Variants in ATM observed in about 807,000 individuals in gnomAD.
The protein encoded by ATM is ATM serine/threonine kinase, also known as serine-protein kinase ATM.
Under a neutral mutation model 387.0 loss-of-function variants are expected in ATM, and 308 were observed. The observed-to-expected ratio is 0.80, with a 90% CI of 0.73 to 0.87. The LOEUF is 0.87. Among genes scored for constraint, ATM ranks in the 40% least tolerant of loss-of-function variants. The pLI is 0.00. For synonymous variants in ATM, 1,156 were observed against 1,187.3 expected, an observed-to-expected ratio of 0.97 and a Z score of 0.54; for missense variants, 3,312 against 3,560.9, an observed-to-expected ratio of 0.93 and a Z score of 1.78.
At position 108,289,793 on chromosome 11, in the gene ATM, C is replaced by G. The variant is rs876659370; in HGVS notation, c.4428C>G (p.Ile1476Met). Reference protein sequence around the residue: ...RDVIYTLIHYINQRPSCIMDV... With the variant: ...RDVIYTLIHYMNQRPSCIMDV... ...TTATTTATACTTTGATTCACTATAT[C>G]AACCAAAGGTAAATAACATATTTAG... Residue 1476 changes from isoleucine to methionine, a missense_variant, in exon 29 of 63, where the codon ATC (isoleucine) becomes ATG (methionine). Coordinates refer to ENST00000675843, the MANE Select transcript of ATM (RefSeq NM_000051.4). 6.2e-7 allele frequency: 1 copy of G among 1,612,302 alleles called. No homozygotes were observed. Among genetic ancestry groups the G allele is most frequent in the Non-Finnish European group, 8.5e-7 (1 of 1,179,410 alleles).
At chr11:108,353,499 G>A (rs990374336) in intron 59 of ATM, among the ~76,000 whole-genome samples, 1 of 152,074 alleles carries the variant, frequency 6.6e-6, no homozygotes, top group Non-Finnish European at 1.5e-5. Flanking sequence ...TATACCAGTA[G>A]TTACTTCATT....
At chr11:108,354,990 C>T (rs2089722521) in intron 61 of ATM, 116 bp downstream of exon 61, 3 of 898,078 alleles carry the variant, frequency 3.3e-6, no homozygotes, top group Non-Finnish European at 5.4e-6. Flanking sequence ...GGGGATGTGG[C>T]TGGGCAGCAG....
At chr11:108,295,172 T>TA in intron 32 of ATM, 113 bp downstream of exon 32, 4 of 1,381,716 alleles carry the variant, frequency 2.9e-6, no homozygotes, top group Non-Finnish European at 4.1e-6. Context: ...CTCTCATCAT[T>TA]TAGTTCAGAC....
chr11:108,270,791 G>C (rs941771260), intron 18 of ATM, among the ~76,000 whole-genome samples: 1 of 152,082 alleles, frequency 6.6e-6, no homozygotes, highest in African/African-American at 2.4e-5. Context: ...CGCCTCCCAG[G>C]TTCAAGCGAT....
intron 59 of ATM, among the ~76,000 whole-genome samples, chr11:108,352,454 A>C (rs1429252247): frequency 6.6e-6 from 1 of 152,204 alleles, no homozygotes; most frequent in African/African-American, 2.4e-5. Flanking sequence ...GAGCCGTAGA[A>C]ATTACCCAAG....
chr11:108,254,484 A>AT (rs2080352534), intron 13 of ATM, among the ~76,000 whole-genome samples: 1 of 152,122 alleles, frequency 6.6e-6, no homozygotes, highest in Non-Finnish European at 1.5e-5. Flanking sequence ...TCATCTAGGA[A>AT]TTTCCTTTAG....
In ATM at chr11:108,253,845, T is replaced by A. The variant is rs1555073128; in HGVS notation, c.1930T>A (p.Ser644Thr). The A allele has an allele frequency of 2.5e-6, 4 of 1,613,856 alleles. No individual in the cohort carries two copies. Among genetic ancestry groups the A allele is most frequent in the Non-Finnish European group, 3.4e-6 (4 of 1,179,900 alleles). The part of the protein sequence containing the change: ...EHHQKDKEEL[S>T]FSEVEELFLQ... ...CCACCAAAAAGATAAAGAAGAACTTTCATTCTCAGAAGTAGAAGAACTATT... is the reference window on the plus strand; with the variant it reads ...CCACCAAAAAGATAAAGAAGAACTTACATTCTCAGAAGTAGAAGAACTATT... Residue 644 changes from serine to threonine, a missense_variant, in exon 13 of 63, where the codon TCA (serine) becomes ACA (threonine). Around this residue, in one of 4 missense-constraint regions of ATM, gnomAD observed 1,791 missense variants for 1,804.5 expected, o/e 0.99. Transcript: ENST00000675843.
rs745351684 is a variant in ATM, at chr11:108,292,782, G to T, written c.4600G>T (p.Val1534Phe). 3.7e-6 allele frequency: 6 copies of T among 1,613,876 alleles called. No individual in the cohort carries two copies. The South Asian group carries it at 6.6e-5, about 18-fold the overall frequency. The change falls in exon 30 of 63, where the codon GTT becomes TTT. Residue 1534 changes from valine (V) to phenylalanine (F), a missense_variant. Coordinates refer to ENST00000675843, the MANE Select transcript of ATM (RefSeq NM_000051.4). ...ACCCCTTGTGTATGAGCAGGTGGAG[G>T]TTCAGAAACAGGTAATTTTCTGACT... is the stretch of plus-strand genomic sequence containing the variant. Reference protein sequence around the residue: ...LIPLVYEQVEVQKQVLDLLKY... With the variant: ...LIPLVYEQVEFQKQVLDLLKY...
In ATM at chr11:108,273,331, C is replaced by CTTTTTTTT. The variant is rs563140198; in HGVS notation, c.3284+499_3284+506dup. Among the ~76,000 whole-genome samples, 41 of 80,656 alleles carry CTTTTTTTT rather than the reference C, an allele frequency of 5.1e-4. 3 individuals carry two copies. Among genetic ancestry groups the CTTTTTTTT allele is most frequent in the African/African-American group, 1.9e-3 (34 of 17,516 alleles). The allele number at this position is 80,656 out of a possible 152,430, so 52.9% of individuals were successfully genotyped here. A position where few individuals can be genotyped will look rare whatever the true frequency, so the allele number is the denominator to read the frequency against. The stretch of plus-strand genomic sequence containing the variant: ...GGAATAAACATATATTAATTTCATT[C>CTTTTTTTT]TTTTTTTTTTTTTTTTTTTTTTTTT... On this transcript the variant is annotated intron_variant, in intron 22 of 62. Transcript: ENST00000675843.
At chr11:108,317,560 T>C (rs2136172954) in intron 43 of ATM, 39 bp downstream of exon 43, 2 of 1,559,790 alleles carry the variant, frequency 1.3e-6, no homozygotes, top group Non-Finnish European at 8.7e-7. Context: ...TTTGCCTCTC[T>C]CCTCATTCTA....
chr11:108,229,521 A>G (rs1288012605), intron 4 of ATM, 198 bp downstream of exon 4: 7 of 528,166 alleles, frequency 1.3e-5, no homozygotes, highest in African/African-American at 1.9e-5. Flanking sequence ...AGTCAAGTGA[A>G]GCAGTGGGAG....
chr11:108,243,156 C>T (rs2079651135), intron 5 of ATM, among the ~76,000 whole-genome samples: 1 of 151,930 alleles, frequency 6.6e-6, no homozygotes, highest in African/African-American at 2.4e-5. Flanking sequence ...GAGATTGAAG[C>T]TACAGTGAGC....
At chr11:108,299,002 TTC>T (rs1440202294) in intron 33 of ATM, among the ~76,000 whole-genome samples, 1 of 152,188 alleles carries the variant, frequency 6.6e-6, no homozygotes, top group Non-Finnish European at 1.5e-5. Flanking sequence ...CTTATATACA[TTC>T]TGTTTGTTAG....
At chr11:108,275,286 C>A (rs2081877961) in intron 22 of ATM, among the ~76,000 whole-genome samples, 1 of 152,180 alleles carries the variant, frequency 6.6e-6, no homozygotes, top group Non-Finnish European at 1.5e-5. Flanking sequence ...CTGAATACAG[C>A]ACACTGATGG....
chr11:108,359,188 A>C (rs2090406413), intron 61 of ATM, among the ~76,000 whole-genome samples: 2 of 151,508 alleles, frequency 1.3e-5, no homozygotes, highest in African/African-American at 4.9e-5. Context: ...AAAGATCAAA[A>C]GAAACAAAGA....
rs2083287106 is a variant in ATM, at chr11:108,299,290, CA to C, written c.5006-423del. Among the ~76,000 whole-genome samples, 5 of 150,106 alleles carry C rather than the reference CA, an allele frequency of 3.3e-5. No individual in the cohort carries two copies. The South Asian group carries it at 1.1e-3, about 32-fold the overall frequency. On this transcript the variant is annotated intron_variant, in intron 33 of 62. Coordinates refer to ENST00000675843, the MANE Select transcript of ATM (RefSeq NM_000051.4). ...TGTGATACCTCAACAAAAATTTTAACAGTTTTAAGGTTGATTCTCTCTCTCT... is the reference window on the plus strand; with the variant it reads ...TGTGATACCTCAACAAAAATTTTAACGTTTTAAGGTTGATTCTCTCTCTCT...
chr11:108,235,888 C>T (rs2135128209), intron 5 of ATM, 54 bp downstream of exon 5: 1 of 1,584,886 alleles, frequency 6.3e-7, no homozygotes, highest in Non-Finnish European at 8.7e-7. Flanking sequence ...TGAAACTTCA[C>T]CAAAGAAAGC....
At chr11:108,299,927 A>G (rs2135894345) in intron 34 of ATM, 42 bp downstream of exon 34, 1 of 1,544,408 alleles carries the variant, frequency 6.5e-7, no homozygotes, top group South Asian at 1.1e-5. Flanking sequence ...TCAATATGAC[A>G]TTCATGGAGA....
At chr11:108,320,136 T>G (rs2085097565) in intron 44 of ATM, 78 bp downstream of exon 44, 1 of 1,127,816 alleles carries the variant, frequency 8.9e-7, no homozygotes, top group African/African-American at 1.5e-5. Context: ...AGAAACAATT[T>G]TAATGTAAGG....
Sources: allele counts gnomAD v4.1 joint callset (sites outside exome capture counted in the v4.1 genomes callset), GRCh38; gene constraint gnomAD v4.1.1; regional missense constraint gnomAD v4.1.1; transcripts MANE v1.5; gene names NCBI Gene and HGNC (gene_info 2026-07-23, HGNC 2026-07-21).